The following DCC variants were observed in gnomAD, a reference collection of about 807,000 sequenced individuals.
DCC encodes the protein DCC netrin 1 receptor, also known as netrin receptor DCC.
DCC carries 58 observed loss-of-function variants against 172.5 expected under a neutral mutation model. That is an observed-to-expected ratio of 0.34 (90% CI 0.27 to 0.42). DCC has a LOEUF of 0.42. Among genes scored for constraint, DCC ranks in the 10% least tolerant of loss-of-function variants. DCC has a pLI of 1.00. For missense variants in DCC, 1,740 were observed against 1,791.0 expected (o/e 0.97, Z 0.51); for synonymous variants, 709 against 644.5 (o/e 1.10, Z -1.52).
chr18:52,808,820 A>G (rs1056901087), intron 2 of DCC, among the ~76,000 whole-genome samples: 7 of 152,288 alleles, frequency 4.6e-5, no homozygotes, highest in Admixed American at 6.5e-5. Context: ...TCAGTTTTCT[A>G]TATTCTTACT....
intron 1 of DCC, among the ~76,000 whole-genome samples, chr18:52,392,918 C>T (rs1325965056): frequency 1.3e-5 from 2 of 152,026 alleles, no homozygotes; most frequent in Admixed American, 6.6e-5. Context: ...AATGTTATGT[C>T]CCTTTAGGAT....
At chr18:53,350,293 G>A (rs1052485853) in intron 15 of DCC, among the ~76,000 whole-genome samples, 1 of 152,144 alleles carries the variant, frequency 6.6e-6, no homozygotes, top group East Asian at 1.9e-4. Context: ...TTAGAATTTA[G>A]CATTGCCATA....
intron 1 of DCC, among the ~76,000 whole-genome samples, chr18:52,594,661 A>G (rs766559115): frequency 1.5e-4 from 23 of 152,212 alleles, no homozygotes; most frequent in Non-Finnish European, 2.9e-4. Context: ...TACAGGAAGT[A>G]TGGTGCTGGC....
intron 7 of DCC, among the ~76,000 whole-genome samples, chr18:53,117,526 C>A (rs1276543317): frequency 6.6e-6 from 1 of 151,672 alleles, no homozygotes; most frequent in Non-Finnish European, 1.5e-5. Context: ...ATTTGTATTG[C>A]TGTTTCAAAA....
chr18:53,347,163 A>G (rs568614185), intron 15 of DCC, among the ~76,000 whole-genome samples: 1 of 152,290 alleles, frequency 6.6e-6, no homozygotes, highest in African/African-American at 2.4e-5. Context: ...CTTCTGGCAC[A>G]AAGTGGTGAG....
chr18:52,565,203 A>G (rs2033130976), intron 1 of DCC, among the ~76,000 whole-genome samples: 1 of 152,104 alleles, frequency 6.6e-6, no homozygotes, highest in African/African-American at 2.4e-5. Flanking sequence ...ATGGTTAAAA[A>G]TGATAATGTG....
intron 15 of DCC, among the ~76,000 whole-genome samples, chr18:53,345,594 T>C (rs1015193246): frequency 3.9e-5 from 6 of 152,202 alleles, no homozygotes; most frequent in Non-Finnish European, 7.4e-5. Flanking sequence ...ATGAAGTTCT[T>C]ATCCAATGTT....
At chr18:53,156,907 A>T (rs2054746248) in intron 7 of DCC, among the ~76,000 whole-genome samples, 1 of 152,214 alleles carries the variant, frequency 6.6e-6, no homozygotes. Flanking sequence ...ACTTAAAATG[A>T]TTTGTCTTTT....
intron 7 of DCC, among the ~76,000 whole-genome samples, 193 bp downstream of exon 7, chr18:53,066,359 A>G (rs397858144): frequency 0.058 from 2,418 of 41,974 alleles, 82 homozygotes; most frequent in African/African-American, 0.2. Context: ...GTGTGTATAT[A>G]TATATATATA....
At chr18:53,030,519 C>T (rs776205222) in intron 5 of DCC, among the ~76,000 whole-genome samples, 2 of 151,964 alleles carry the variant, frequency 1.3e-5, no homozygotes, top group Non-Finnish European at 2.9e-5. Context: ...GAAATATGTT[C>T]ACTACTAATT....
intron 27 of DCC, among the ~76,000 whole-genome samples, chr18:53,513,808 T>C (rs1011524578): frequency 4.7e-5 from 7 of 148,878 alleles, no homozygotes; most frequent in African/African-American, 7.6e-5. Flanking sequence ...CCAAGATTCA[T>C]AAAGCAAGTC....
intron 12 of DCC, among the ~76,000 whole-genome samples, chr18:53,281,923 T>A (rs2056877309): frequency 1.3e-5 from 2 of 152,110 alleles, no homozygotes; most frequent in Admixed American, 1.3e-4. Flanking sequence ...TGGGGTAGGA[T>A]AAAGTGAGAG....
intron 2 of DCC, among the ~76,000 whole-genome samples, chr18:52,766,588 G>T (rs1844438668): frequency 6.6e-6 from 1 of 152,048 alleles, no homozygotes; most frequent in African/African-American, 2.4e-5. Context: ...ATCTTCCCTT[G>T]AAGTCTGGCC....
At chr18:52,854,530 A>G (rs995973626) in intron 2 of DCC, among the ~76,000 whole-genome samples, 34 of 152,336 alleles carry the variant, frequency 2.2e-4, no homozygotes, top group Non-Finnish European at 1.6e-4. Context: ...TTAGATAAAA[A>G]AATATTTTGA....
intron 2 of DCC, among the ~76,000 whole-genome samples, chr18:52,753,146 A>T (rs1380345828): frequency 6.6e-6 from 1 of 152,194 alleles, no homozygotes; most frequent in East Asian, 1.9e-4. Context: ...ACCCATAAGT[A>T]GGATTGTTGT....
At chr18:52,991,794 G>A (rs1473331350) in intron 5 of DCC, among the ~76,000 whole-genome samples, 1 of 152,178 alleles carries the variant, frequency 6.6e-6, no homozygotes, top group Non-Finnish European at 1.5e-5. Context: ...AATCCTGGAT[G>A]AGTGGTCATT....
chr18:53,183,940 A>C (rs2055238738), intron 9 of DCC, among the ~76,000 whole-genome samples: 1 of 151,174 alleles, frequency 6.6e-6, no homozygotes, highest in African/African-American at 2.4e-5. Flanking sequence ...CTTCTTCCTA[A>C]GTTGCAAAAA....
At chr18:52,873,875 C>T (rs2039360713) in intron 2 of DCC, among the ~76,000 whole-genome samples, 1 of 152,140 alleles carries the variant, frequency 6.6e-6, no homozygotes, top group Non-Finnish European at 1.5e-5. Flanking sequence ...GTTCAAAATC[C>T]TATGAAAGCA....
chr18:53,041,367 T>C (rs531047733), intron 5 of DCC, among the ~76,000 whole-genome samples: 18 of 151,834 alleles, frequency 1.2e-4, no homozygotes, highest in African/African-American at 4.1e-4. Context: ...AAGTTCCATC[T>C]GTTTATATAT....
Sources: gnomAD v4.1 joint callset for allele counts (sites outside exome capture counted in the v4.1 genomes callset) on GRCh38, gnomAD v4.1.1 for gene constraint, MANE v1.5 for transcripts, NCBI Gene and HGNC (gene_info 2026-07-23, HGNC 2026-07-21) for gene names.